Variants in PIGG observed in about 807,000 individuals in gnomAD.
PIGG encodes the protein GPI ethanolamine phosphate transferase 2, catalytic subunit.
In PIGG, 70 loss-of-function variants were observed where a neutral mutation model predicts 83.2. The ratio of observed to expected loss-of-function variants is 0.84; its 90% CI spans 0.69 to 1.03. PIGG has a LOEUF of 1.03. PIGG is among the 50% of genes least tolerant of loss of function. The pLI is 0.00. For missense variants in PIGG, 1,257 were observed against 1,233.6 expected (o/e 1.02, Z -0.28); for synonymous variants, 532 against 519.5 (o/e 1.02, Z -0.33).
At chr4:536,277 A>C (rs1730588715) in intron 12 of PIGG, 1 of 152,286 alleles carries the variant, frequency 6.6e-6, no homozygotes, top group African/African-American at 2.4e-5. Context: ...GAGCCTTTCC[A>C]AGGGGAGAAT....
chr4:514,346 C>T (rs1325727522), intron 5 of PIGG, among the ~76,000 whole-genome samples: 1 of 152,202 alleles, frequency 6.6e-6, no homozygotes, highest in Non-Finnish European at 1.5e-5. Flanking sequence ...GTTTCTCTCT[C>T]TTTAGGTGTT....
rs547601872 is a variant in PIGG at position 535,582 on chromosome 4, C to T, written c.2735+1601C>T. Among the ~76,000 whole-genome samples, 26 of 152,250 alleles carry T rather than the reference C, an allele frequency of 1.7e-4. No homozygotes were observed. In the South Asian group the frequency reaches 3.7e-3, roughly 22 times the overall value. ...GTCCTGCCGGGAGCCCCAGGGAGCGCGCTGTGGCCTCTCCGCTGAGCAGTG... is the reference window on the plus strand; with the variant it reads ...GTCCTGCCGGGAGCCCCAGGGAGCGTGCTGTGGCCTCTCCGCTGAGCAGTG... On this transcript the variant is annotated intron_variant, in intron 12 of 12. Transcript: ENST00000453061.
At position 539,391 on chromosome 4, in the gene PIGG, A is replaced by C. The variant is rs775829099; in HGVS notation, c.*22A>C. 2.3e-5 allele frequency: 32 copies of C among 1,367,264 alleles called. No homozygotes were observed. Among genetic ancestry groups the C allele is most frequent in the Non-Finnish European group, 3.1e-5 (30 of 964,310 alleles). The allele number at this position is 1,367,264 out of a possible 1,614,324, so 84.7% of individuals were successfully genotyped here. A position where few individuals can be genotyped will look rare whatever the true frequency, so the allele number is the denominator to read the frequency against. Reference sequence around the variant, plus strand: ...TTAGACTAAGCTGAACACTGGAAAAATAATACATGCTTAAAGTCTGCTGTT... The same window carrying C: ...TTAGACTAAGCTGAACACTGGAAAACTAATACATGCTTAAAGTCTGCTGTT... On this transcript the variant is annotated 3_prime_UTR_variant, in exon 13 of 13. Coordinates refer to ENST00000453061, the MANE Select transcript of PIGG (RefSeq NM_001127178.3).
At chr4:530,312 C>T in intron 10 of PIGG, 124 bp from the exon 11 acceptor site, 1 of 697,132 alleles carries the variant, frequency 1.4e-6, no homozygotes, top group East Asian at 2.6e-5. Flanking sequence ...GCCGCGGCTC[C>T]TTTAGTCAGC....
At chr4:530,114 G>T (rs1161680650) in intron 10 of PIGG, among the ~76,000 whole-genome samples, 1 of 152,076 alleles carries the variant, frequency 6.6e-6, no homozygotes, top group Non-Finnish European at 1.5e-5. Flanking sequence ...CAAAGCAGGC[G>T]GGCCACGAGG....
chr4:508,571 C>A (rs573333604), intron 4 of PIGG, among the ~76,000 whole-genome samples: 2 of 152,340 alleles, frequency 1.3e-5, no homozygotes, highest in South Asian at 2.1e-4. Flanking sequence ...AAACCAGATA[C>A]AAACCGTCTG....
Position 528,327 on chromosome 4 carries a change from A to G in PIGG, c.2261+1097A>G, listed in dbSNP as rs559411044. 1 of 984,650 alleles carries G rather than the reference A, an allele frequency of 1.0e-6. No homozygotes were observed. Among genetic ancestry groups the G allele is most frequent in the East Asian group, 1.1e-4 (1 of 8,794 alleles). The allele number at this position is 984,650 out of a possible 1,614,324, so 61.0% of individuals were successfully genotyped here. On this transcript the variant is annotated intron_variant, in intron 10 of 12. Transcript: ENST00000453061. The surrounding 1 kb of genome is among the most constrained non-coding windows in gnomAD (Gnocchi z 4.8). ...AAGATTGTGGTCTTGCTTTTTACTT[A>G]TTTTTGTATCTTAGCGATGTCTAGA...
chr4:502,097 C>A (rs1717960699), intron 2 of PIGG: 1 of 152,192 alleles, frequency 6.6e-6, no homozygotes, highest in African/African-American at 2.4e-5. Context: ...TGGAAGGAAC[C>A]CTTTTCTCCT....
intron 10 of PIGG, 25 bp downstream of exon 10, chr4:527,255 G>T (rs547350881): frequency 6.5e-7 from 1 of 1,545,884 alleles, no homozygotes; most frequent in Non-Finnish European, 8.7e-7. Flanking sequence ...GACACGGGGT[G>T]CATAGAGCCA....
intron 5 of PIGG, among the ~76,000 whole-genome samples, chr4:510,365 TA>T (rs1217304034): frequency 6.6e-6 from 1 of 152,240 alleles, no homozygotes; most frequent in Non-Finnish European, 1.5e-5. Context: ...GTTTGTGGCT[TA>T]AGAATGCCTT....
At chr4:508,328 G>C (rs1018277327) in intron 4 of PIGG, among the ~76,000 whole-genome samples, 2 of 152,238 alleles carry the variant, frequency 1.3e-5, no homozygotes, top group Non-Finnish European at 2.9e-5. Flanking sequence ...GACCAGCAGC[G>C]AGGGTCAGGC....
chr4:530,344 C>G, intron 10 of PIGG, 92 bp from the exon 11 acceptor site: 1 of 883,414 alleles, frequency 1.1e-6, no homozygotes, highest in East Asian at 2.4e-5. Context: ...TTTACTGGTT[C>G]CCTGGGTAGA....
At chr4:511,971 G>A (rs1722114035) in intron 5 of PIGG, among the ~76,000 whole-genome samples, 1 of 152,064 alleles carries the variant, frequency 6.6e-6, no homozygotes, top group Non-Finnish European at 1.5e-5. Context: ...ATCTAATTGG[G>A]TTTCCCATTT....
intron 10 of PIGG, chr4:527,898 T>G: frequency 1.0e-6 from 1 of 985,426 alleles, no homozygotes; most frequent in Non-Finnish European, 1.2e-6. Flanking sequence ...CTATTTAAAT[T>G]TAAATAGCTG....
At chr4:505,182 C>T (rs1719164541) in intron 2 of PIGG, among the ~76,000 whole-genome samples, 2 of 152,070 alleles carry the variant, frequency 1.3e-5, no homozygotes, top group African/African-American at 4.8e-5. Context: ...TGGCTGTTGC[C>T]GTCGTCTCGC....
intron 5 of PIGG, among the ~76,000 whole-genome samples, chr4:512,206 A>G (rs868976737): frequency 2.0e-5 from 3 of 146,758 alleles, no homozygotes; most frequent in Middle Eastern, 3.7e-3. Flanking sequence ...TTTCTGTTTC[A>G]GTTATCATAC....
rs1317393983 is a variant in PIGG, at chr4:521,052, A to G, written c.1115-4A>G. On this transcript the variant is annotated splice_polypyrimidine_tract_variant and splice_region_variant and intron_variant, in intron 6 of 12. Transcript: ENST00000453061. The stretch of plus-strand genomic sequence containing the variant: ...CGCCTGTAACCTTTCTGTCTTCTTA[A>G]TAGATCCTGGGTTTGAGCAGTTTAA... 6.2e-7 allele frequency: 1 copy of G among 1,608,094 alleles called. No homozygotes were observed. The highest frequency in any genetic ancestry group is 8.5e-7 in the Non-Finnish European group (1 of 1,174,584).
At chr4:520,431 C>T (rs911241990) in intron 6 of PIGG, among the ~76,000 whole-genome samples, 1 of 152,192 alleles carries the variant, frequency 6.6e-6, no homozygotes, top group African/African-American at 2.4e-5. Flanking sequence ...AGAGGCAGGG[C>T]ATCCATGCGC....
chr4:504,257 C>T (rs1320200306), intron 2 of PIGG, among the ~76,000 whole-genome samples: 3 of 152,160 alleles, frequency 2.0e-5, no homozygotes, highest in Non-Finnish European at 2.9e-5. Context: ...GCCCTGGCTC[C>T]GCATAGCTTA....
Sources: allele counts gnomAD v4.1 joint callset (sites outside exome capture counted in the v4.1 genomes callset), GRCh38; gene constraint gnomAD v4.1.1; non-coding constraint Gnocchi (gnomAD v3.1); transcripts MANE v1.5; gene names NCBI Gene and HGNC (gene_info 2026-07-23, HGNC 2026-07-21).